The following ECPAS variants were observed in gnomAD, a reference collection of about 807,000 sequenced individuals.
ECPAS encodes proteasome adapter and scaffold protein ECM29.
ECPAS carries 70 observed loss-of-function variants against 255.1 expected under a neutral mutation model. The ratio of observed to expected loss-of-function variants is 0.27; its 90% confidence interval spans 0.23 to 0.33. The LOEUF is 0.33. ECPAS is among the 10% of genes least tolerant of loss of function. ECPAS has a pLI of 1.00. For missense variants in ECPAS, 1,817 were observed against 2,206.4 expected (o/e 0.82, Z 3.54); for synonymous variants, 784 against 775.0 (o/e 1.01, Z -0.19).
At chr9:111,479,170 A>C (rs555216267) in intron 1 of ECPAS, among the ~76,000 whole-genome samples, 1 of 152,340 alleles carries the variant, frequency 6.6e-6, no homozygotes, top group African/African-American at 2.4e-5. Flanking sequence ...CTGAGGAATA[A>C]TACATACAAA....
At chr9:111,476,861 C>G (rs1438365968) in intron 1 of ECPAS, among the ~76,000 whole-genome samples, 1 of 152,102 alleles carries the variant, frequency 6.6e-6, no homozygotes, top group South Asian at 2.1e-4. Flanking sequence ...CAGGGTTTCA[C>G]AATGTTGGCC....
intron 1 of ECPAS, among the ~76,000 whole-genome samples, chr9:111,482,485 A>G (rs2098307384): frequency 6.6e-6 from 1 of 152,230 alleles, no homozygotes; most frequent in Non-Finnish European, 1.5e-5. Context: ...AAAAACATAC[A>G]TTACGTGTAT....
intron 2 of ECPAS, among the ~76,000 whole-genome samples, chr9:111,463,892 A>G (rs1323946312): frequency 6.6e-6 from 1 of 152,210 alleles, no homozygotes; most frequent in Non-Finnish European, 1.5e-5. Context: ...CATCTCTAGC[A>G]AAGTTGAAGA....
At chr9:111,480,940 A>G (rs2098303957) in intron 1 of ECPAS, among the ~76,000 whole-genome samples, 1 of 152,218 alleles carries the variant, frequency 6.6e-6, no homozygotes, top group Non-Finnish European at 1.5e-5. Flanking sequence ...CATAGACACA[A>G]ATACTTCAGC....
intron 3 of ECPAS, among the ~76,000 whole-genome samples, chr9:111,450,422 A>T (rs930256248): frequency 1.3e-5 from 2 of 152,168 alleles, no homozygotes; most frequent in Non-Finnish European, 2.9e-5. Context: ...AGACATTCCT[A>T]AAGATTCTCT....
In ECPAS at chr9:111,484,137, T is replaced by G. The variant is rs1250438681; in HGVS notation, c.-104A>C. ...TGACCTGAGTCGGAGCCGGTCTCCA[T>G]GCCGCGGACGCTGCGCTCGGCGCCG... On this transcript the variant is annotated 5_prime_UTR_variant, in exon 1 of 50. It removes an upstream start codon present in the reference 5' UTR. Transcript: ENST00000684092. 1.4e-6 allele frequency: 2 copies of G among 1,461,456 alleles called. No individual in the cohort carries two copies. The highest frequency in any genetic ancestry group is 1.8e-6 in the Non-Finnish European group (2 of 1,109,540). 90.5% of individuals were successfully genotyped at this position (1,461,456 alleles called of 1,614,324 possible). A position where few individuals can be genotyped will look rare whatever the true frequency, so the allele number is the denominator to read the frequency against.
rs116236148 is a variant in ECPAS at position 111,437,301 on chromosome 9, G to C, written c.540-193C>G. The stretch of plus-strand genomic sequence containing the variant: ...AGATGTATCTTCAGCAAATTAACCA[G>C]AGAGCACGTCATTTAACTTGGTTAC... On this transcript the variant is annotated intron_variant, in intron 6 of 49. Transcript: ENST00000684092. Among the ~76,000 whole-genome samples the C allele has an allele frequency of 2.8e-3, 424 of 152,196 alleles. 5 individuals are homozygous for C. The highest frequency in any genetic ancestry group is 9.8e-3 in the African/African-American group (407 of 41,502).
At chr9:111,425,853 C>A in intron 10 of ECPAS, 25 bp from the exon 11 acceptor site, 1 of 1,087,002 alleles carries the variant, frequency 9.2e-7, no homozygotes, top group South Asian at 1.5e-5. Context: ...GAGTTGAGAA[C>A]ATCAATTAAT....
chr9:111,484,106 G>A lies in ECPAS; in HGVS notation c.-83+10C>T. The A allele has an allele frequency of 7.3e-7, 1 of 1,363,330 alleles. No homozygotes were observed. The highest frequency in any genetic ancestry group is 9.5e-7 in the Non-Finnish European group (1 of 1,055,928). 84.5% of individuals were successfully genotyped at this position (1,363,330 alleles called of 1,614,324 possible). Reference sequence around the variant, plus strand: ...GCCAGTCCCCCGCGGCCCGGGGGCGGGCCTCTGACCTGAGTCGGAGCCGGT... The same window carrying A: ...GCCAGTCCCCCGCGGCCCGGGGGCGAGCCTCTGACCTGAGTCGGAGCCGGT... On this transcript the variant is annotated intron_variant, in intron 1 of 49. Transcript: ENST00000684092.
intron 2 of ECPAS, among the ~76,000 whole-genome samples, chr9:111,455,300 C>T (rs1388006138): frequency 1.3e-5 from 2 of 152,074 alleles, no homozygotes; most frequent in East Asian, 1.9e-4. Flanking sequence ...CTGGCGAACA[C>T]GGTGAAACCC....
At chr9:111,458,005 C>G (rs2098268933) in intron 2 of ECPAS, among the ~76,000 whole-genome samples, 1 of 152,068 alleles carries the variant, frequency 6.6e-6, no homozygotes, top group African/African-American at 2.4e-5. Flanking sequence ...ATTTTGTGTG[C>G]ATATACATAC....
chr9:111,392,237 C>T (rs1184660868), intron 28 of ECPAS, among the ~76,000 whole-genome samples: 1 of 152,124 alleles, frequency 6.6e-6, no homozygotes, highest in African/African-American at 2.4e-5. Flanking sequence ...AAGACTACAA[C>T]AACAACAACA....
intron 7 of ECPAS, among the ~76,000 whole-genome samples, chr9:111,435,055 C>A (rs954059829): frequency 6.6e-6 from 1 of 151,678 alleles, no homozygotes; most frequent in African/African-American, 2.4e-5. Context: ...TGCACCACCA[C>A]GCCCAGCTAA....
In ECPAS at chr9:111,437,009, C is replaced by T. The variant is rs911436859; in HGVS notation, c.639G>A (p.Pro213=). The change falls in exon 7 of 50, where the codon CCG becomes CCA. Residue 213 remains proline, a synonymous_variant. Coordinates refer to ENST00000684092, the MANE Select transcript of ECPAS (RefSeq NM_001364929.1). ...GGGSGIPQPP[P]GMSFYAAKRV... is the part of the protein sequence containing the mutation. ...GTTTGGCTGCATAAAAGCTCATTCC[C>T]GGAGGAGGCTGTGGGATTCCAGAAC... 8.7e-6 allele frequency: 14 copies of T among 1,613,066 alleles called. No homozygotes were observed. Among genetic ancestry groups the T allele is most frequent in the Middle Eastern group, 1.7e-4 (1 of 6,058 alleles).
At chr9:111,442,479 A>G (rs2098247214) in intron 4 of ECPAS, 55 bp from the exon 5 acceptor site, 3 of 999,162 alleles carry the variant, frequency 3.0e-6, no homozygotes, top group Non-Finnish European at 3.1e-6. Context: ...TATGATTTCA[A>G]TGAAAATATA....
chr9:111,394,232 T>A lies in ECPAS; in HGVS notation c.2850A>T (p.Pro950=). 1 of 1,608,856 alleles carries A rather than the reference T, an allele frequency of 6.2e-7. No homozygotes were observed. The highest frequency in any genetic ancestry group is 8.5e-7 in the Non-Finnish European group (1 of 1,177,374). ...ILNKHIISPN[P]HVRQAACIWL... is the part of the protein sequence containing the mutation. ...AGATGCAGGCTGCTTGCCTCACGTG[T>A]GGGTTGGGGCTGATGATATGTTTAT... The change falls in exon 26 of 50, where the codon CCA becomes CCT. Residue 950 remains proline (P), a synonymous_variant. Transcript: ENST00000684092.
At chr9:111,400,103 T>C (rs2098173510) in intron 24 of ECPAS, among the ~76,000 whole-genome samples, 1 of 152,202 alleles carries the variant, frequency 6.6e-6, no homozygotes, top group South Asian at 2.1e-4. Flanking sequence ...GCAAGAAACT[T>C]TGCCTGGGAA....
At chr9:111,410,852 T>C in intron 22 of ECPAS, 128 bp downstream of exon 22, 11 of 982,680 alleles carry the variant, frequency 1.1e-5, no homozygotes, top group Non-Finnish European at 1.7e-5. Context: ...ATTTATCAAG[T>C]AAGTTTTTTG....
intron 16 of ECPAS, among the ~76,000 whole-genome samples, chr9:111,418,918 G>A (rs530294246): frequency 1.3e-5 from 2 of 152,188 alleles, no homozygotes; most frequent in South Asian, 2.1e-4. Context: ...ACAATCCAAA[G>A]CCACTTTAAC....
Sources: allele counts gnomAD v4.1 joint callset (sites outside exome capture counted in the v4.1 genomes callset), GRCh38; gene constraint gnomAD v4.1.1; transcripts MANE v1.5; gene names NCBI Gene and HGNC (gene_info 2026-07-23, HGNC 2026-07-21).